Variants in SRPK1 observed in about 807,000 individuals in gnomAD.
The protein encoded by SRPK1 is SRSF protein kinase 1.
A neutral mutation model predicts 89.5 loss-of-function variants in SRPK1; 52 were observed. The observed-to-expected ratio is 0.58, with a 90% CI of 0.46 to 0.73. The LOEUF is 0.73. SRPK1 is among the 30% of genes least tolerant of loss of function. SRPK1 has a pLI of 0.00. For missense variants in SRPK1, 603 were observed against 780.6 expected (o/e 0.77, Z 2.71); for synonymous variants, 255 against 270.2 (o/e 0.94, Z 0.55).
At chr6:35,865,845 G>A (rs1769885421) in intron 12 of SRPK1, among the ~76,000 whole-genome samples, 1 of 151,742 alleles carries the variant, frequency 6.6e-6, no homozygotes, top group South Asian at 2.1e-4. Flanking sequence ...TAAGACCTCA[G>A]GCAACAAAAA....
chr6:35,907,659 T>C (rs1008213485), intron 2 of SRPK1, among the ~76,000 whole-genome samples: 3 of 151,710 alleles, frequency 2.0e-5, no homozygotes, highest in Non-Finnish European at 4.4e-5. Context: ...GAGCCGAGAT[T>C]GCACCATTGC....
At chr6:35,853,829 G>A (rs1769609169) in intron 13 of SRPK1, among the ~76,000 whole-genome samples, 1 of 151,244 alleles carries the variant, frequency 6.6e-6, no homozygotes, top group African/African-American at 2.4e-5. Context: ...CAGAGAAGAA[G>A]ATAATCTCAT....
In SRPK1 at chr6:35,904,556, T is replaced by C. The variant is rs538460046; in HGVS notation, c.75-13543A>G. On this transcript the variant is annotated intron_variant, in intron 2 of 15. Transcript: ENST00000373825. ...TGGCTCACGCCTGTAATCCCAGCAC[T>C]TTGGGAGGCCGAGGCAGGCAGATCA... Among the ~76,000 whole-genome samples the C allele has an allele frequency of 2.6e-5, 4 of 152,184 alleles. No individual in the cohort carries two copies. In the East Asian group the frequency reaches 7.7e-4, roughly 29 times the overall value.
intron 12 of SRPK1, among the ~76,000 whole-genome samples, chr6:35,863,023 C>T (rs145757286): frequency 0.033 from 4,946 of 151,798 alleles, 97 homozygotes; most frequent in Middle Eastern, 0.065. Flanking sequence ...TGTTGGCATG[C>T]ACCTGGGGTC....
intron 1 of SRPK1, 125 bp from the exon 2 acceptor site, chr6:35,920,653 C>G: frequency 1.6e-6 from 1 of 638,814 alleles, no homozygotes; most frequent in Non-Finnish European, 2.1e-6. Flanking sequence ...GCTGCGGGCT[C>G]CGGCGAGGCG....
Position 35,888,187 on chromosome 6 carries a change from G to T in SRPK1, c.303-76C>A, listed in dbSNP as rs3764794. 4.4e-4 allele frequency: 401 copies of T among 918,970 alleles called. 2 individuals carry two copies. In the East Asian group the frequency reaches 0.011, roughly 24 times the overall value. 56.9% of individuals were successfully genotyped at this position (918,970 alleles called of 1,614,324 possible). ...GGAAGCTAAGATTTAGCTATAAGAT[G>T]GTTAAAAAGGACAAATATTGATTTC... On this transcript the variant is annotated intron_variant, in intron 4 of 15. Transcript: ENST00000373825.
chr6:35,888,884 C>A lies in SRPK1; in HGVS notation c.233G>T (p.Gly78Val). 2 of 1,613,168 alleles carry A rather than the reference C, an allele frequency of 1.2e-6. No homozygotes were observed. The highest frequency in any genetic ancestry group is 1.7e-6 in the Non-Finnish European group (2 of 1,179,368). The change falls in exon 4 of 16, where the codon GGG becomes GTG. Residue 78 changes from glycine to valine, a missense_variant. Physicochemically the swap from Gly to Val is moderately radical, Grantham distance 109 (BLOSUM62 -3). Transcript: ENST00000373825. ...TAACTTTCGGATCACATGGTATCTC[C>A]CATTGAATAGATCTCCAATTTTCAC... ...HLVKIGDLFN[G>V]RYHVIRKLGW...
At chr6:35,865,430 A>G (rs1261369354) in intron 12 of SRPK1, among the ~76,000 whole-genome samples, 1 of 152,182 alleles carries the variant, frequency 6.6e-6, no homozygotes, top group African/African-American at 2.4e-5. Flanking sequence ...ATTTTTTCAC[A>G]GAATTACAAA....
At chr6:35,844,579 G>T (rs1398312029) in intron 13 of SRPK1, among the ~76,000 whole-genome samples, 1 of 152,120 alleles carries the variant, frequency 6.6e-6, no homozygotes, top group African/African-American at 2.4e-5. Flanking sequence ...AGAAGTTTCA[G>T]GATAGGTTTA....
intron 12 of SRPK1, among the ~76,000 whole-genome samples, chr6:35,862,073 T>TACCG (rs569167237): frequency 6.6e-6 from 1 of 151,532 alleles, no homozygotes; most frequent in East Asian, 1.9e-4. Flanking sequence ...CCATCACAGC[T>TACCG]AACAACAACA....
intron 2 of SRPK1, among the ~76,000 whole-genome samples, chr6:35,919,110 T>C (rs1771173044): frequency 6.6e-6 from 1 of 152,242 alleles, no homozygotes; most frequent in Non-Finnish European, 1.5e-5. Flanking sequence ...AGTTAGCACC[T>C]TGCTGTTTCT....
At chr6:35,841,027 T>C (rs1265350215) in intron 14 of SRPK1, among the ~76,000 whole-genome samples, 9 of 152,096 alleles carry the variant, frequency 5.9e-5, no homozygotes, top group Non-Finnish European at 1.0e-4. Flanking sequence ...CACACTACCA[T>C]TTATGGAGAA....
At chr6:35,895,153 A>C (rs1770604478) in intron 2 of SRPK1, among the ~76,000 whole-genome samples, 1 of 152,194 alleles carries the variant, frequency 6.6e-6, no homozygotes, top group Non-Finnish European at 1.5e-5. Context: ...CCAAGAAACA[A>C]ACAAAATCTA....
chr6:35,883,096 T>C (rs1174087231), intron 6 of SRPK1, among the ~76,000 whole-genome samples: 6 of 152,236 alleles, frequency 3.9e-5, no homozygotes, highest in African/African-American at 1.4e-4. Context: ...CGTGAGCCAC[T>C]GCACCTGGCC....
In SRPK1 at chr6:35,874,157, A is replaced by G. The variant is rs972694321; in HGVS notation, c.585+76T>C. 8.1e-6 allele frequency: 10 copies of G among 1,230,508 alleles called. No homozygotes were observed. In the African/African-American group the frequency reaches 1.4e-4, roughly 17 times the overall value. The allele number at this position is 1,230,508 out of a possible 1,614,324, so 76.2% of individuals were successfully genotyped here. A position where few individuals can be genotyped will look rare whatever the true frequency, so the allele number is the denominator to read the frequency against. ...ACAAAAATTCTATTGGAAAAAATAAAGTCCTGACACTTCAAGAATATTAAA... is the reference window on the plus strand; with the variant it reads ...ACAAAAATTCTATTGGAAAAAATAAGGTCCTGACACTTCAAGAATATTAAA... On this transcript the variant is annotated intron_variant, in intron 7 of 15. Coordinates refer to ENST00000373825, the MANE Select transcript of SRPK1 (RefSeq NM_003137.5).
intron 2 of SRPK1, among the ~76,000 whole-genome samples, chr6:35,900,379 T>C (rs1412527840): frequency 6.6e-6 from 1 of 152,220 alleles, no homozygotes; most frequent in Admixed American, 6.5e-5. Context: ...AGCAAGTATG[T>C]GTTCATGTAT....
chr6:35,882,014 G>C (rs1284824342), intron 6 of SRPK1, among the ~76,000 whole-genome samples: 2 of 148,056 alleles, frequency 1.4e-5, no homozygotes, highest in Admixed American at 1.4e-4. Context: ...CCACAATAAA[G>C]AAAAAATTAG....
intron 2 of SRPK1, among the ~76,000 whole-genome samples, chr6:35,906,057 A>G (rs1249649577): frequency 6.6e-6 from 1 of 152,106 alleles, no homozygotes; most frequent in South Asian, 2.1e-4. Flanking sequence ...GGGGGCAGAA[A>G]ATGTACAAGA....
intron 6 of SRPK1, among the ~76,000 whole-genome samples, chr6:35,880,397 C>G (rs1335389757): frequency 6.6e-6 from 1 of 151,656 alleles, no homozygotes; most frequent in Admixed American, 6.6e-5. Flanking sequence ...ATTGAGTAGA[C>G]CAAATATACA....
Sources: allele counts gnomAD v4.1 joint callset (sites outside exome capture counted in the v4.1 genomes callset), GRCh38; gene constraint gnomAD v4.1.1; transcripts MANE v1.5; gene names NCBI Gene and HGNC (gene_info 2026-07-23, HGNC 2026-07-21).